UCHL3: variants seen among roughly 807,000 people sequenced by gnomAD.
The protein encoded by UCHL3 is ubiquitin C-terminal hydrolase L3.
UCHL3 carries 22 observed loss-of-function variants against 35.8 expected under a neutral mutation model. That is an observed-to-expected ratio of 0.61 (90% CI 0.44 to 0.88). UCHL3 has a LOEUF of 0.88. Among genes scored for constraint, UCHL3 ranks in the 40% least tolerant of loss-of-function variants. The probability of loss-of-function intolerance (pLI) is 0.00; values close to 1 mark genes in which losing one functional copy is unlikely to be tolerated. For synonymous variants in UCHL3, 90 were observed against 92.8 expected, an observed-to-expected ratio of 0.97 and a Z score of 0.17; for missense variants, 229 against 276.9, an observed-to-expected ratio of 0.83 and a Z score of 1.23.
chr13:75,589,238 G>T (rs1456372729), intron 6 of UCHL3, among the ~76,000 whole-genome samples: 1 of 152,022 alleles, frequency 6.6e-6, no homozygotes, highest in African/African-American at 2.4e-5. Flanking sequence ...TTCCTCATTT[G>T]CATAACAGGA....
intron 6 of UCHL3, among the ~76,000 whole-genome samples, chr13:75,587,017 C>CAAAAAAAAAAAAAAAAAAAAAAGAAAAAA (rs3036429): frequency 1.0e-5 from 1 of 98,990 alleles, no homozygotes; most frequent in East Asian, 3.0e-4. Flanking sequence ...CTTAAGGTAG[C>CAAAAAAAAAAAAAAAAAAAAAAGAAAAAA]AAAAAAAAAA....
chr13:75,560,962 G>A (rs749335622), intron 3 of UCHL3, 81 bp downstream of exon 3: 5 of 1,316,416 alleles, frequency 3.8e-6, no homozygotes, highest in South Asian at 3.2e-5. Flanking sequence ...GCAGTATCTC[G>A]CTCTGTTGCC....
chr13:75,571,462 A>G, intron 6 of UCHL3, among the ~76,000 whole-genome samples: 1 of 152,200 alleles, frequency 6.6e-6, no homozygotes, highest in East Asian at 1.9e-4. Flanking sequence ...TCTATGTCTT[A>G]AACTTTTTCT....
intron 2 of UCHL3, among the ~76,000 whole-genome samples, chr13:75,553,896 A>T (rs1240976226): frequency 6.6e-6 from 1 of 152,186 alleles, no homozygotes; most frequent in Non-Finnish European, 1.5e-5. Context: ...GTTTGAGGTG[A>T]TGAGTTGATG....
rs561730667 is a variant in UCHL3 at position 75,557,188 on chromosome 13, C to T, written c.55-3565C>T. On this transcript the variant is annotated intron_variant, in intron 2 of 8. Coordinates refer to ENST00000377595, the MANE Select transcript of UCHL3 (RefSeq NM_006002.5). The stretch of plus-strand genomic sequence containing the variant: ...TGTGATTGTTGTCACTGCACTCCAG[C>T]CTGGGCAATGGAGCAAGACCCTGTC... Among the ~76,000 whole-genome samples, 30 of 151,920 alleles carry T rather than the reference C, an allele frequency of 2.0e-4. No homozygotes were observed. In the South Asian group the frequency reaches 6.0e-3, roughly 31 times the overall value.
chr13:75,601,669 T>G (rs945293399), intron 7 of UCHL3, among the ~76,000 whole-genome samples: 2 of 152,112 alleles, frequency 1.3e-5, no homozygotes, highest in Non-Finnish European at 2.9e-5. Context: ...AACAAAAAAA[T>G]TTGTGACTCA....
At chr13:75,584,000 A>T (rs1354057690) in intron 6 of UCHL3, among the ~76,000 whole-genome samples, 1 of 152,160 alleles carries the variant, frequency 6.6e-6, no homozygotes, top group Non-Finnish European at 1.5e-5. Context: ...GGCCTAGGGG[A>T]GGAGAGCAGT....
upstream of UCHL3, chr13:75,549,632 G>T: frequency 2.0e-6 from 1 of 505,178 alleles, no homozygotes; most frequent in South Asian, 4.4e-5. Context: ...TTTAAAATAT[G>T]ACACTTGACC....
At chr13:75,593,013 A>C (rs2032554170) in intron 6 of UCHL3, among the ~76,000 whole-genome samples, 1 of 152,142 alleles carries the variant, frequency 6.6e-6, no homozygotes, top group Non-Finnish European at 1.5e-5. Flanking sequence ...CAGTTGTACT[A>C]CTTTTACCTC....
intron 3 of UCHL3, among the ~76,000 whole-genome samples, chr13:75,561,867 A>G (rs2031525851): frequency 6.6e-6 from 1 of 150,860 alleles, no homozygotes; most frequent in Admixed American, 6.6e-5. Context: ...ATACATATAT[A>G]CATACGTATA....
chr13:75,569,425 A>AT lies in UCHL3; in HGVS notation c.427-29dup. On this transcript the variant is annotated intron_variant, in intron 5 of 8. Transcript: ENST00000377595. ...TTCATTTAAAAAGTTGAGTATAGGCATTTTTTCCAATGAATACCTTTATTC... is the reference window on the plus strand; with the variant it reads ...TTCATTTAAAAAGTTGAGTATAGGCATTTTTTTCCAATGAATACCTTTATTC... 3 of 1,554,322 alleles carry AT rather than the reference A, an allele frequency of 1.9e-6. No individual in the cohort carries two copies. In the Admixed American group the frequency reaches 6.0e-5, roughly 31 times the overall value.
chr13:75,558,761 G>C (rs2031379620), intron 2 of UCHL3, among the ~76,000 whole-genome samples: 1 of 151,992 alleles, frequency 6.6e-6, no homozygotes, highest in African/African-American at 2.4e-5. Flanking sequence ...ATATACCTTG[G>C]GTGTCTGTGA....
At chr13:75,566,083 A>G (rs2138488420) in intron 3 of UCHL3, among the ~76,000 whole-genome samples, 1 of 152,360 alleles carries the variant, frequency 6.6e-6, no homozygotes, top group South Asian at 2.1e-4. Context: ...ATGATAAACA[A>G]TATAGAAACG....
intron 6 of UCHL3, among the ~76,000 whole-genome samples, chr13:75,581,347 CTTTT>C (rs11310964): frequency 7.4e-6 from 1 of 135,112 alleles, no homozygotes; most frequent in Non-Finnish European, 1.6e-5. Context: ...CACTTGATTT[CTTTT>C]TTTTTTTTTT....
chr13:75,551,629 C>A (rs1189965486), intron 2 of UCHL3, among the ~76,000 whole-genome samples: 3 of 152,072 alleles, frequency 2.0e-5, no homozygotes, highest in Non-Finnish European at 4.4e-5. Flanking sequence ...AGCAGTTTAT[C>A]CTGGTGTTGC....
At chr13:75,581,186 G>T (rs1262118319) in intron 6 of UCHL3, among the ~76,000 whole-genome samples, 3 of 150,480 alleles carry the variant, frequency 2.0e-5, no homozygotes, top group Non-Finnish European at 3.0e-5. Flanking sequence ...TCATGTTCAA[G>T]AAATTACATG....
At chr13:75,598,839 G>A (rs928548120) in intron 7 of UCHL3, among the ~76,000 whole-genome samples, 2 of 151,932 alleles carry the variant, frequency 1.3e-5, no homozygotes, top group African/African-American at 4.8e-5. Context: ...ATTCTTGACT[G>A]GATTATCATT....
chr13:75,602,124 A>AAAAAC (rs542836582), intron 7 of UCHL3, among the ~76,000 whole-genome samples: 11 of 151,782 alleles, frequency 7.2e-5, no homozygotes, highest in African/African-American at 2.7e-4. Context: ...AAACAAAAAC[A>AAAAAC]AAAACAAAAC....
chr13:75,559,007 A>C (rs1215800658), intron 2 of UCHL3, among the ~76,000 whole-genome samples: 3 of 146,276 alleles, frequency 2.1e-5, no homozygotes, highest in Non-Finnish European at 4.5e-5. Context: ...AGAGGAGCCC[A>C]TTGATCTCCT....
Sources: gnomAD v4.1 joint callset for allele counts (sites outside exome capture counted in the v4.1 genomes callset) on GRCh38, gnomAD v4.1.1 for gene constraint, MANE v1.5 for transcripts, NCBI Gene and HGNC (gene_info 2026-07-23, HGNC 2026-07-21) for gene names.